Variants in GHR observed in about 807,000 individuals in gnomAD.
GHR encodes the protein growth hormone receptor, also known as GH receptor.
GHR carries 35 observed loss-of-function variants against 67.1 expected under a neutral mutation model. That is an observed-to-expected ratio of 0.52 (90% CI 0.40 to 0.69). The LOEUF (loss-of-function observed/expected upper bound fraction) is 0.69. GHR is among the 30% of genes least tolerant of loss of function. The pLI, the probability that GHR is intolerant of heterozygous loss-of-function variation, is 0.00. For missense variants in GHR, 792 were observed against 764.6 expected (o/e 1.04, Z -0.42); for synonymous variants, 272 against 269.1 (o/e 1.01, Z -0.10).
At chr5:42,488,929 C>T (rs796196247) in intron 1 of GHR, among the ~76,000 whole-genome samples, 3 of 152,312 alleles carry the variant, frequency 2.0e-5, no homozygotes, top group Non-Finnish European at 2.9e-5. Flanking sequence ...CCAAGTTCAT[C>T]GAGTTACTGC....
At chr5:42,570,985 C>T (rs187074054) in intron 2 of GHR, among the ~76,000 whole-genome samples, 1 of 152,140 alleles carries the variant, frequency 6.6e-6, no homozygotes, top group Non-Finnish European at 1.5e-5. Flanking sequence ...GTTAAGAAGA[C>T]AGAATTACCA....
chr5:42,511,668 C>G (rs1290320063), intron 1 of GHR, among the ~76,000 whole-genome samples: 1 of 151,900 alleles, frequency 6.6e-6, no homozygotes, highest in East Asian at 1.9e-4. Context: ...CCTTTACTTA[C>G]TGATTTTGTT....
intron 2 of GHR, among the ~76,000 whole-genome samples, chr5:42,604,921 T>C (rs1752553253): frequency 6.6e-6 from 1 of 151,964 alleles, no homozygotes; most frequent in Non-Finnish European, 1.5e-5. Flanking sequence ...TATAGAGGAT[T>C]TATCTAGTTC....
chr5:42,517,097 A>G (rs1262234734), intron 1 of GHR, among the ~76,000 whole-genome samples: 1 of 152,216 alleles, frequency 6.6e-6, no homozygotes, highest in African/African-American at 2.4e-5. Context: ...ATCATTAAGC[A>G]TTTATTATTT....
intron 1 of GHR, among the ~76,000 whole-genome samples, chr5:42,558,951 T>C (rs1749454993): frequency 6.6e-6 from 1 of 152,240 alleles, no homozygotes; most frequent in South Asian, 2.1e-4. Context: ...CTTTTCTTCT[T>C]GTACTAAGCT....
In GHR at chr5:42,699,837, A is replaced by G; in HGVS notation, c.453A>G (p.Pro151=). Residue 151 remains proline, a synonymous_variant, in exon 6 of 10, where the codon CCA becomes CCG. Transcript: ENST00000230882. ...FSVDEIVQPD[P]PIALNWTLLN... is the part of the protein sequence containing the mutation. ...TGAATTGCACAGTGCAACCAGATCC[A>G]CCCATTGCCCTCAACTGGACTTTAC... The G allele has an allele frequency of 6.2e-7, 1 of 1,608,788 alleles. No individual in the cohort carries two copies.
At chr5:42,534,272 A>AT (rs1196934043) in intron 1 of GHR, among the ~76,000 whole-genome samples, 2 of 140,178 alleles carry the variant, frequency 1.4e-5, no homozygotes, top group African/African-American at 2.8e-5. Context: ...GTATATGTGT[A>AT]TATATGTATA....
At chr5:42,557,114 C>A (rs112760337) in intron 1 of GHR, among the ~76,000 whole-genome samples, 2 of 152,096 alleles carry the variant, frequency 1.3e-5, no homozygotes, top group Non-Finnish European at 2.9e-5. Context: ...TTAAAGTAGA[C>A]GAGGGAGGAA....
intron 2 of GHR, among the ~76,000 whole-genome samples, chr5:42,592,687 G>T (rs1307426691): frequency 1.3e-5 from 2 of 152,158 alleles, no homozygotes; most frequent in East Asian, 3.8e-4. Context: ...GGTTTATCCT[G>T]TGTCTTTGTT....
chr5:42,716,754 C>T (rs573747881), intron 8 of GHR, among the ~76,000 whole-genome samples: 10 of 152,214 alleles, frequency 6.6e-5, no homozygotes, highest in Non-Finnish European at 1.2e-4. Context: ...CTACTTAATG[C>T]AATTTATAAA....
intron 1 of GHR, among the ~76,000 whole-genome samples, chr5:42,431,739 A>T (rs1253024381): frequency 6.6e-6 from 1 of 152,222 alleles, no homozygotes; most frequent in East Asian, 1.9e-4. Context: ...TTGTTTAAAG[A>T]TAAATCTATC....
intron 3 of GHR, among the ~76,000 whole-genome samples, chr5:42,646,059 ATCATACTTTATGATT>A (rs1167856023): frequency 6.6e-6 from 1 of 152,156 alleles, no homozygotes; most frequent in African/African-American, 2.4e-5. Flanking sequence ...CTTCTACCAA[ATCATACTTTATGATT>A]TTCCACAATA....
chr5:42,434,629 T>A (rs556737043), intron 1 of GHR, among the ~76,000 whole-genome samples: 86 of 152,306 alleles, frequency 5.6e-4, no homozygotes, highest in African/African-American at 1.9e-3. Context: ...CCACAGTCCC[T>A]CCTATTAACA....
rs1378356726 is a variant in GHR, at chr5:42,719,519, G to A, written c.*95G>A. Reference sequence around the variant, plus strand: ...CAAAACAATGTTTAAACCTTTTTTGGGGGAGTGACAGGATGGGGTATGGAT... The same window carrying A: ...CAAAACAATGTTTAAACCTTTTTTGAGGGAGTGACAGGATGGGGTATGGAT... On this transcript the variant is annotated 3_prime_UTR_variant, in exon 10 of 10. Coordinates refer to ENST00000230882, the MANE Select transcript of GHR (RefSeq NM_000163.5). 1 of 1,216,340 alleles carries A rather than the reference G, an allele frequency of 8.2e-7. No homozygotes were observed. 75.3% of individuals were successfully genotyped at this position (1,216,340 alleles called of 1,614,324 possible). A position where few individuals can be genotyped will look rare whatever the true frequency, so the allele number is the denominator to read the frequency against.
At chr5:42,579,701 A>G (rs1751054219) in intron 2 of GHR, among the ~76,000 whole-genome samples, 1 of 152,230 alleles carries the variant, frequency 6.6e-6, no homozygotes, top group African/African-American at 2.4e-5. Flanking sequence ...GGAGACATCC[A>G]TGAACATTTA....
chr5:42,512,537 A>G (rs927100691), intron 1 of GHR, among the ~76,000 whole-genome samples: 50 of 152,270 alleles, frequency 3.3e-4, no homozygotes, highest in African/African-American at 1.2e-3. Flanking sequence ...ACTGTCAACT[A>G]TAAGGCTGTG....
At chr5:42,657,681 T>A (rs1755330524) in intron 3 of GHR, among the ~76,000 whole-genome samples, 1 of 152,230 alleles carries the variant, frequency 6.6e-6, no homozygotes, top group Non-Finnish European at 1.5e-5. Flanking sequence ...TGTCACTCTA[T>A]TTCCTACTGT....
chr5:42,669,826 G>A (rs992844752), intron 3 of GHR, among the ~76,000 whole-genome samples: 2 of 152,030 alleles, frequency 1.3e-5, no homozygotes, highest in African/African-American at 4.8e-5. Flanking sequence ...ACCAAGGAAG[G>A]GAAATATCTG....
intron 1 of GHR, among the ~76,000 whole-genome samples, chr5:42,524,712 GA>G (rs1747630008): frequency 6.6e-6 from 1 of 152,176 alleles, no homozygotes; most frequent in Non-Finnish European, 1.5e-5. Context: ...AGAGGCCCAG[GA>G]GGAAAAATTG....
Sources: gnomAD v4.1 joint callset for allele counts (sites outside exome capture counted in the v4.1 genomes callset) on GRCh38, gnomAD v4.1.1 for gene constraint, MANE v1.5 for transcripts, NCBI Gene and HGNC (gene_info 2026-07-23, HGNC 2026-07-21) for gene names.